Variants in NAALADL2 observed in about 807,000 individuals in gnomAD.
NAALADL2 encodes N-acetylated alpha-linked acidic dipeptidase like 2.
Under a neutral mutation model 87.2 loss-of-function variants are expected in NAALADL2, and 76 were observed. That is an observed-to-expected ratio of 0.87 (90% CI 0.72 to 1.05). NAALADL2 has a LOEUF of 1.05. NAALADL2 is among the 50% of genes least tolerant of loss of function. The pLI is 0.00. For synonymous variants in NAALADL2, 354 were observed against 331.0 expected (o/e 1.07, Z -0.75); for missense variants, 1,089 against 945.8 (o/e 1.15, Z -1.99).
chr3:174,583,524 C>A (rs553645319), intron 2 of NAALADL2, among the ~76,000 whole-genome samples: 9 of 152,224 alleles, frequency 5.9e-5, no homozygotes, highest in Non-Finnish European at 1.3e-4. Context: ...CAAGGTTAAG[C>A]ATTTACAGTA....
At chr3:175,063,702 C>T (rs1311393168) in intron 1 of NAALADL2, among the ~76,000 whole-genome samples, 1 of 151,826 alleles carries the variant, frequency 6.6e-6, no homozygotes, top group Non-Finnish European at 1.5e-5. Context: ...AGGCTAGTCT[C>T]AAACTCTTAG....
At chr3:174,507,438 G>T in intron 1 of NAALADL2, among the ~76,000 whole-genome samples, 1 of 151,846 alleles carries the variant, frequency 6.6e-6, no homozygotes, top group African/African-American at 2.4e-5. Context: ...TTTCAATACA[G>T]TTTCTTCTTA....
chr3:174,784,795 T>A (rs541414198), intron 3 of NAALADL2, among the ~76,000 whole-genome samples: 119 of 152,334 alleles, frequency 7.8e-4, no homozygotes, highest in African/African-American at 2.8e-3. Flanking sequence ...AATTTTGGAA[T>A]GTTTAGTCTC....
chr3:174,617,021 AAT>A (rs2108655841), intron 2 of NAALADL2, among the ~76,000 whole-genome samples: 1 of 151,914 alleles, frequency 6.6e-6, no homozygotes, highest in Non-Finnish European at 1.5e-5. Flanking sequence ...TGACTAAAAT[AAT>A]ATGATTTGGA....
intron 2 of NAALADL2, among the ~76,000 whole-genome samples, chr3:175,233,663 C>A (rs1007094214): frequency 6.6e-6 from 1 of 152,050 alleles, no homozygotes; most frequent in Non-Finnish European, 1.5e-5. Flanking sequence ...CCTGGCTAGT[C>A]CTGTGCTTAA....
At chr3:175,463,043 AT>A (rs1287353050) in intron 6 of NAALADL2, among the ~76,000 whole-genome samples, 1 of 152,062 alleles carries the variant, frequency 6.6e-6, no homozygotes, top group Non-Finnish European at 1.5e-5. Context: ...ATTTTAATCT[AT>A]TTTTTTCTGT....
At chr3:175,605,010 G>A (rs1486837816) in intron 10 of NAALADL2, among the ~76,000 whole-genome samples, 10 of 152,142 alleles carry the variant, frequency 6.6e-5, no homozygotes, top group African/African-American at 2.4e-4. Flanking sequence ...ATACTGAGTT[G>A]GAGCTAAGTA....
chr3:175,522,259 T>C (rs1732757127), intron 9 of NAALADL2, among the ~76,000 whole-genome samples: 1 of 152,182 alleles, frequency 6.6e-6, no homozygotes, highest in South Asian at 2.1e-4. Context: ...GTAATTTCAT[T>C]AGTTGTTTTA....
chr3:175,080,884 A>G (rs143293463), intron 1 of NAALADL2, among the ~76,000 whole-genome samples: 90 of 152,336 alleles, frequency 5.9e-4, no homozygotes, highest in African/African-American at 2.1e-3. Flanking sequence ...AGAAAAATAT[A>G]AGATTGAATT....
chr3:174,921,856 T>C (rs1012164899), intron 1 of NAALADL2, among the ~76,000 whole-genome samples: 1 of 149,744 alleles, frequency 6.7e-6, no homozygotes, highest in Non-Finnish European at 1.5e-5. Flanking sequence ...ATCTTCTTAG[T>C]ATTTTAAAGG....
chr3:175,530,102 C>T (rs1733900683), intron 9 of NAALADL2, among the ~76,000 whole-genome samples: 1 of 152,116 alleles, frequency 6.6e-6, no homozygotes, highest in African/African-American at 2.4e-5. Context: ...TCCCTGTTAC[C>T]ATGGCCACTT....
chr3:175,108,479 C>A (rs961711531), intron 2 of NAALADL2, among the ~76,000 whole-genome samples: 3 of 152,078 alleles, frequency 2.0e-5, no homozygotes, highest in South Asian at 2.1e-4. Flanking sequence ...TGAAACTGAT[C>A]ATTTTTCTTT....
At chr3:175,442,422 A>G (rs1719945865) in intron 5 of NAALADL2, among the ~76,000 whole-genome samples, 1 of 152,146 alleles carries the variant, frequency 6.6e-6, no homozygotes, top group South Asian at 2.1e-4. Context: ...TACAATTAGA[A>G]CACAACTTAC....
intron 11 of NAALADL2, chr3:175,676,279 A>G (rs573195869): frequency 7.9e-5 from 12 of 152,200 alleles, no homozygotes; most frequent in African/African-American, 2.6e-4. Flanking sequence ...TGCTTTACCT[A>G]TTGACAAGTT....
chr3:175,379,830 A>C (rs887193846), intron 5 of NAALADL2, among the ~76,000 whole-genome samples: 5 of 152,194 alleles, frequency 3.3e-5, no homozygotes, highest in Non-Finnish European at 7.3e-5. Context: ...TTTCTGATTA[A>C]AGAGTACCAA....
At chr3:175,480,488 A>G (rs1481723534) in intron 9 of NAALADL2, among the ~76,000 whole-genome samples, 1 of 151,902 alleles carries the variant, frequency 6.6e-6, no homozygotes, top group East Asian at 1.9e-4. Context: ...GTTTAGGGAG[A>G]AAAATCTGTT....
intron 1 of NAALADL2, among the ~76,000 whole-genome samples, chr3:174,973,948 T>G (rs879421832): frequency 6.6e-6 from 1 of 152,232 alleles, no homozygotes; most frequent in Non-Finnish European, 1.5e-5. Flanking sequence ...AATTTTGCAC[T>G]GCACAAACCA....
At chr3:175,338,206 C>T (rs1762192423) in intron 5 of NAALADL2, among the ~76,000 whole-genome samples, 1 of 152,036 alleles carries the variant, frequency 6.6e-6, no homozygotes, top group South Asian at 2.1e-4. Flanking sequence ...GGAGTGAAAT[C>T]GCTGGTGTTT....
chr3:175,042,692 T>C (rs890012985), intron 1 of NAALADL2, among the ~76,000 whole-genome samples: 1 of 152,214 alleles, frequency 6.6e-6, no homozygotes, highest in Non-Finnish European at 1.5e-5. Flanking sequence ...ATTAGTGATA[T>C]TGACCATATT....
Sources: allele counts gnomAD v4.1 joint callset (sites outside exome capture counted in the v4.1 genomes callset), GRCh38; gene constraint gnomAD v4.1.1; transcripts MANE v1.5; gene names NCBI Gene and HGNC (gene_info 2026-07-23, HGNC 2026-07-21).